MCTP2: variants seen among roughly 807,000 people sequenced by gnomAD.
MCTP2 encodes multiple C2 and transmembrane domain containing 2.
Under a neutral mutation model 111.6 loss-of-function variants are expected in MCTP2, and 132 were observed. The ratio of observed to expected loss-of-function variants is 1.18; its 90% CI spans 1.03 to 1.37. The LOEUF (loss-of-function observed/expected upper bound fraction) is 1.37. Ranked by LOEUF, MCTP2 falls within the 40% of genes most tolerant of loss-of-function variation. MCTP2 has a pLI of 0.00. For synonymous variants in MCTP2, 395 were observed against 387.7 expected, an observed-to-expected ratio of 1.02 and a Z score of -0.22; for missense variants, 1,183 against 1,067.9, an observed-to-expected ratio of 1.11 and a Z score of -1.50.
At chr15:94,362,874 G>T (rs564004850) in intron 10 of MCTP2, among the ~76,000 whole-genome samples, 1 of 152,276 alleles carries the variant, frequency 6.6e-6, no homozygotes, top group Non-Finnish European at 1.5e-5. Context: ...AGAATGGGAG[G>T]TCAGAAACAA....
At chr15:94,369,308 T>C (rs2079362169) in intron 11 of MCTP2, among the ~76,000 whole-genome samples, 1 of 152,208 alleles carries the variant, frequency 6.6e-6, no homozygotes, top group Non-Finnish European at 1.5e-5. Context: ...GGTTTTTAGC[T>C]ATCTAATGAT....
At chr15:94,412,509 C>T (rs185828978) in intron 17 of MCTP2, among the ~76,000 whole-genome samples, 87 of 152,070 alleles carry the variant, frequency 5.7e-4, no homozygotes, top group Admixed American at 1.3e-3. Context: ...AAGATGATAA[C>T]GATGATCACA....
In MCTP2 at chr15:94,481,011, T is replaced by G. The variant is rs906984871; in HGVS notation, c.*1977T>G. 1 of 152,148 alleles carries G rather than the reference T, an allele frequency of 6.6e-6. No homozygotes were observed. The highest frequency in any genetic ancestry group is 2.4e-5 in the African/African-American group (1 of 41,450). 9.4% of individuals were successfully genotyped at this position (152,148 alleles called of 1,614,324 possible). ...AGTTGATTAAGTAGACATTGGATGT[T>G]TGTTAGAAAGGAATGTTAGTTGTAA... On this transcript the variant is annotated 3_prime_UTR_variant, in exon 23 of 23. Coordinates refer to ENST00000357742, the MANE Select transcript of MCTP2 (RefSeq NM_001385001.1).
intron 1 of MCTP2, among the ~76,000 whole-genome samples, chr15:94,257,531 A>ATC: frequency 7.9e-6 from 1 of 127,372 alleles, no homozygotes; most frequent in African/African-American, 2.9e-5. Flanking sequence ...TTTCAGAACT[A>ATC]TCACATTTTA....
Position 94,470,983 on chromosome 15 carries a change from G to A in MCTP2, c.2470+541G>A, listed in dbSNP as rs138753483. Among the ~76,000 whole-genome samples the A allele has an allele frequency of 6.2e-3, 938 of 152,304 alleles. 7 individuals carry two copies. The highest frequency in any genetic ancestry group is 9.7e-3 in the Non-Finnish European group (663 of 68,042). On this transcript the variant is annotated intron_variant, in intron 21 of 22. Coordinates refer to ENST00000357742, the MANE Select transcript of MCTP2 (RefSeq NM_001385001.1). ...ACAGAGAGGAAGTTATTATTTACCA[G>A]GGGAAATGGTGTGCCTACATAAAGT...
intron 1 of MCTP2, among the ~76,000 whole-genome samples, chr15:94,286,842 T>C (rs571531077): frequency 6.6e-6 from 1 of 152,306 alleles, no homozygotes; most frequent in Non-Finnish European, 1.5e-5. Flanking sequence ...TGCTCTGCCG[T>C]TAGTGGTTTG....
chr15:94,424,444 T>C (rs563395944), intron 17 of MCTP2, among the ~76,000 whole-genome samples: 1 of 152,300 alleles, frequency 6.6e-6, no homozygotes, highest in South Asian at 2.1e-4. Flanking sequence ...CTGAAAACTT[T>C]TCAGGAATGC....
intron 2 of MCTP2, among the ~76,000 whole-genome samples, chr15:94,308,777 G>A (rs2076000083): frequency 6.6e-6 from 1 of 152,172 alleles, no homozygotes; most frequent in Non-Finnish European, 1.5e-5. Context: ...TACTCAAGGT[G>A]AGGTCACATG....
rs771115451 is a variant in MCTP2 at position 94,470,384 on chromosome 15, G to C, written c.2412G>C (p.Leu804=). ...PFLSSLACLI[L]AAATIILYFI... ...TTTCATCTCTGGCCTGTTTGATTCT[G>C]GCAGCAGCCACCATCATTTTGTATT... The change falls in exon 21 of 23, where the codon CTG becomes CTC. Residue 804 remains leucine (L), a synonymous_variant. Transcript: ENST00000357742. 5 of 1,613,924 alleles carry C rather than the reference G, an allele frequency of 3.1e-6. No homozygotes were observed. In the Admixed American group the frequency reaches 8.3e-5, roughly 27 times the overall value.
rs111233754 is a variant in MCTP2, at chr15:94,356,157, A to T, written c.1026A>T (p.Leu342=). The T allele has an allele frequency of 2.9e-5, 47 of 1,610,058 alleles. No individual in the cohort carries two copies. The South Asian group carries it at 4.7e-4, about 16-fold the overall frequency. Residue 342 remains leucine (L), a synonymous_variant, in exon 9 of 23, where the codon CTA becomes CTT. Transcript: ENST00000357742. ...SASKSSLIRN[L]RLSESLKKNQ... Reference sequence around the variant, plus strand: ...TTTAGTCCTCTTTGATACGCAACCTACGGCTCTCTGAGTCCTTGAAAAAGA... The same window carrying T: ...TTTAGTCCTCTTTGATACGCAACCTTCGGCTCTCTGAGTCCTTGAAAAAGA...
chr15:94,399,674 C>A (rs1249664505), intron 15 of MCTP2: 8 of 373,474 alleles, frequency 2.1e-5, no homozygotes, highest in Non-Finnish European at 3.9e-5. Flanking sequence ...GTTGAAAATA[C>A]CCCCAAGGAA....
chr15:94,360,430 A>G (rs1217759125), intron 10 of MCTP2, among the ~76,000 whole-genome samples: 1 of 152,190 alleles, frequency 6.6e-6, no homozygotes, highest in African/African-American at 2.4e-5. Context: ...CACTGCTGTG[A>G]TATACCAGGA....
chr15:94,304,167 TGTG>T (rs1367509746), intron 2 of MCTP2, among the ~76,000 whole-genome samples: 1 of 152,208 alleles, frequency 6.6e-6, no homozygotes, highest in African/African-American at 2.4e-5. Flanking sequence ...CTAGGCCAGA[TGTG>T]GTGGCTCATG....
intron 20 of MCTP2, among the ~76,000 whole-genome samples, chr15:94,462,665 C>A (rs750630250): frequency 8.5e-5 from 13 of 152,166 alleles, no homozygotes; most frequent in Non-Finnish European, 1.9e-4. Flanking sequence ...AAAGCGCCTA[C>A]TACAGAAGCA....
At chr15:94,407,944 T>C (rs2081983569) in intron 17 of MCTP2, among the ~76,000 whole-genome samples, 1 of 152,204 alleles carries the variant, frequency 6.6e-6, no homozygotes, top group South Asian at 2.1e-4. Context: ...ATGATTTCTC[T>C]GTGGACCGAA....
At chr15:94,301,907 C>T (rs1246937742) in intron 2 of MCTP2, among the ~76,000 whole-genome samples, 1 of 149,870 alleles carries the variant, frequency 6.7e-6, no homozygotes, top group Non-Finnish European at 1.5e-5. Context: ...ATTGGTTCCT[C>T]TGTGTTTTAG....
chr15:94,423,333 A>T (rs1232361441), intron 17 of MCTP2, among the ~76,000 whole-genome samples: 1 of 152,170 alleles, frequency 6.6e-6, no homozygotes, highest in Non-Finnish European at 1.5e-5. Context: ...AATGTTTCCA[A>T]GATCACACAG....
chr15:94,299,676 G>A (rs2152337428), intron 2 of MCTP2, among the ~76,000 whole-genome samples: 1 of 152,318 alleles, frequency 6.6e-6, no homozygotes, highest in South Asian at 2.1e-4. Context: ...TGACACTGAA[G>A]TAGGTTTCCA....
chr15:94,336,859 G>GT (rs202038311), intron 4 of MCTP2, among the ~76,000 whole-genome samples: 2 of 151,970 alleles, frequency 1.3e-5, no homozygotes, highest in South Asian at 2.1e-4. Flanking sequence ...GAGGCTGAGG[G>GT]ACTCCTTCAG....
Sources: allele counts gnomAD v4.1 joint callset (sites outside exome capture counted in the v4.1 genomes callset), GRCh38; gene constraint gnomAD v4.1.1; transcripts MANE v1.5; gene names NCBI Gene and HGNC (gene_info 2026-07-23, HGNC 2026-07-21).